PARD3: variants seen among roughly 807,000 people sequenced by gnomAD.
PARD3 encodes the protein partitioning defective 3 homolog.
In PARD3, 75 loss-of-function variants were observed where a neutral mutation model predicts 155.4. That is an observed-to-expected ratio of 0.48 (90% CI 0.40 to 0.58). PARD3 has a LOEUF of 0.58. PARD3 is among the 20% of genes least tolerant of loss of function. PARD3 has a pLI of 0.00. For synonymous variants in PARD3, 576 were observed against 610.5 expected (o/e 0.94, Z 0.83); for missense variants, 1,642 against 1,721.7 (o/e 0.95, Z 0.82).
intron 21 of PARD3, among the ~76,000 whole-genome samples, chr10:34,276,611 A>G (rs1324206234): frequency 2.6e-5 from 4 of 152,218 alleles, no homozygotes; most frequent in African/African-American, 7.2e-5. Context: ...TTATGATCAT[A>G]AAGTCTAGTC....
intron 22 of PARD3, among the ~76,000 whole-genome samples, chr10:34,214,194 T>C (rs12769982): frequency 0.028 from 4,191 of 152,322 alleles, 88 homozygotes; most frequent in Non-Finnish European, 0.041. Flanking sequence ...GCCATCGTGC[T>C]GGCCTTATAT....
chr10:34,405,935 C>G (rs1268195627), intron 5 of PARD3, among the ~76,000 whole-genome samples: 1 of 152,148 alleles, frequency 6.6e-6, no homozygotes, highest in East Asian at 1.9e-4. Flanking sequence ...CTATCTTGCT[C>G]TACAAACATC....
At chr10:34,579,554 C>CTGTGTGTGTGTGTGTGTG (rs554959827) in intron 2 of PARD3, among the ~76,000 whole-genome samples, 19 of 122,572 alleles carry the variant, frequency 1.6e-4, no homozygotes, top group East Asian at 5.1e-4. Flanking sequence ...ACCATTTTCT[C>CTGTGTGTGTGTGTGTGTG]TGTGTGTGTG....
intron 22 of PARD3, among the ~76,000 whole-genome samples, chr10:34,144,789 T>G (rs1948375078): frequency 6.6e-6 from 1 of 152,190 alleles, no homozygotes; most frequent in Non-Finnish European, 1.5e-5. Flanking sequence ...TTTTACAATC[T>G]GATTTTTCAG....
chr10:34,119,428 T>C (rs1212767466), intron 24 of PARD3, among the ~76,000 whole-genome samples, 185 bp downstream of exon 24: 1 of 151,380 alleles, frequency 6.6e-6, no homozygotes, highest in African/African-American at 2.4e-5. Flanking sequence ...GCATTTCCCC[T>C]GGCCTCGCAG....
chr10:34,467,543 T>C (rs944204535), intron 4 of PARD3, among the ~76,000 whole-genome samples: 4 of 151,948 alleles, frequency 2.6e-5, no homozygotes, highest in African/African-American at 7.3e-5. Flanking sequence ...AGTCCAAAAG[T>C]TTGAGACTGG....
chr10:34,333,163 G>T (rs1308916393), intron 18 of PARD3, among the ~76,000 whole-genome samples: 1 of 152,068 alleles, frequency 6.6e-6, no homozygotes, highest in Non-Finnish European at 1.5e-5. Context: ...GTATTTGTAT[G>T]TGAGTATATA....
chr10:34,663,586 TA>T (rs1164501423), intron 2 of PARD3, among the ~76,000 whole-genome samples: 2 of 152,050 alleles, frequency 1.3e-5, no homozygotes, highest in East Asian at 3.9e-4. Flanking sequence ...TCCACAAAAA[TA>T]AAAAATTTTT....
intron 22 of PARD3, among the ~76,000 whole-genome samples, chr10:34,246,189 T>A (rs560213580): frequency 3.9e-5 from 6 of 152,140 alleles, no homozygotes; most frequent in Non-Finnish European, 7.4e-5. Context: ...AGAGTAAGAA[T>A]GAGGTAAAGA....
chr10:34,345,275 C>T, intron 15 of PARD3: 1 of 985,334 alleles, frequency 1.0e-6, no homozygotes, highest in Non-Finnish European at 1.2e-6. Context: ...TGGGGTGTAT[C>T]TTTTAAAAGC....
chr10:34,275,443 G>T (rs1955827951), intron 21 of PARD3, among the ~76,000 whole-genome samples: 1 of 152,160 alleles, frequency 6.6e-6, no homozygotes, highest in African/African-American at 2.4e-5. Flanking sequence ...TGCTAACGAG[G>T]CTTGCTGTAC....
At position 34,382,720 on chromosome 10, in the gene PARD3, G is replaced by C; in HGVS notation, c.1219C>G (p.Arg407Gly). 6.2e-7 allele frequency: 1 copy of C among 1,614,144 alleles called. No individual in the cohort carries two copies. ...AGLHTVQRAP[R>G]LNHPPEQIDS... is the part of the protein sequence containing the mutation. ...ATCTGCTCAGGCGGGTGGTTCAGTCGGGGTGCTCTCTGCACCGTGTGAAGC... is the reference window on the plus strand; with the variant it reads ...ATCTGCTCAGGCGGGTGGTTCAGTCCGGGTGCTCTCTGCACCGTGTGAAGC... Residue 407 changes from arginine to glycine, a missense_variant, in exon 9 of 25, where the codon CGA becomes GGA. This residue lies in a region of PARD3 where 1,529 missense variants were observed against 1,587.3 expected (regional missense o/e 0.96). Transcript: ENST00000374788.
At chr10:34,736,650 A>AT (rs1227294334) in intron 1 of PARD3, among the ~76,000 whole-genome samples, 14 of 136,058 alleles carry the variant, frequency 1.0e-4, no homozygotes, top group East Asian at 6.0e-4. Context: ...TTATTAATTA[A>AT]TTAATTTATT....
chr10:34,442,851 A>G (rs529368405), intron 5 of PARD3, among the ~76,000 whole-genome samples: 1 of 152,356 alleles, frequency 6.6e-6, no homozygotes, highest in Non-Finnish European at 1.5e-5. Context: ...AGTCTGGGCA[A>G]CAGAGCAAGA....
chr10:34,132,760 A>G (rs2132787964), intron 22 of PARD3, among the ~76,000 whole-genome samples: 1 of 152,252 alleles, frequency 6.6e-6, no homozygotes, highest in Non-Finnish European at 1.5e-5. Context: ...CCTAAATGGG[A>G]ACAGGCATTC....
chr10:34,206,956 A>C (rs1169548350), intron 22 of PARD3, among the ~76,000 whole-genome samples: 1 of 152,022 alleles, frequency 6.6e-6, no homozygotes, highest in Non-Finnish European at 1.5e-5. Flanking sequence ...CTATAATTTC[A>C]CAGGATCAAT....
chr10:34,389,499 G>A (rs1842678538), intron 7 of PARD3, among the ~76,000 whole-genome samples: 1 of 152,164 alleles, frequency 6.6e-6, no homozygotes, highest in Admixed American at 6.5e-5. Flanking sequence ...CTGAAAATAA[G>A]TAACAAATGT....
intron 22 of PARD3, among the ~76,000 whole-genome samples, chr10:34,201,583 G>A (rs1951213632): frequency 6.6e-6 from 1 of 152,120 alleles, no homozygotes; most frequent in Non-Finnish European, 1.5e-5. Context: ...CTTTCAAAAG[G>A]GGAGCCATGT....
At chr10:34,520,848 T>C (rs1479109665) in intron 2 of PARD3, among the ~76,000 whole-genome samples, 1 of 152,192 alleles carries the variant, frequency 6.6e-6, no homozygotes, top group East Asian at 1.9e-4. Context: ...CAAGGTACCT[T>C]TGTAGCCTCA....
Sources: allele counts gnomAD v4.1 joint callset (sites outside exome capture counted in the v4.1 genomes callset), GRCh38; gene constraint gnomAD v4.1.1; regional missense constraint gnomAD v4.1.1; transcripts MANE v1.5; gene names NCBI Gene and HGNC (gene_info 2026-07-23, HGNC 2026-07-21).